The following DERA variants were observed in gnomAD, a reference collection of about 807,000 sequenced individuals.
DERA encodes deoxyribose-phosphate aldolase, also known as 2-deoxy-D-ribose 5-phosphate aldolase.
In DERA, 15 loss-of-function variants were observed where a neutral mutation model predicts 41.1. That is an observed-to-expected ratio of 0.37 (90% CI 0.24 to 0.56). The LOEUF is 0.56. Among genes scored for constraint, DERA ranks in the 20% least tolerant of loss-of-function variants. The probability of loss-of-function intolerance (pLI) is 0.81; values close to 1 mark genes in which losing one functional copy is unlikely to be tolerated. For missense variants in DERA, 396 were observed against 403.4 expected (o/e 0.98, Z 0.16); for synonymous variants, 139 against 137.4 (o/e 1.01, Z -0.08).
intron 6 of DERA, among the ~76,000 whole-genome samples, chr12:16,031,638 A>G (rs929924873): frequency 6.6e-6 from 1 of 152,196 alleles, no homozygotes; most frequent in Non-Finnish European, 1.5e-5. Flanking sequence ...TTGTTTGGGT[A>G]TCTGACTGTG....
rs555868172 is a variant in DERA, at chr12:15,988,186, G to A, written c.637+5750G>A. Among the ~76,000 whole-genome samples the A allele has an allele frequency of 7.9e-5, 12 of 152,312 alleles. No individual in the cohort carries two copies. Among genetic ancestry groups the A allele is most frequent in the South Asian group, 4.1e-4 (2 of 4,820 alleles). On this transcript the variant is annotated intron_variant, in intron 6 of 8. Transcript: ENST00000428559. This position sits in a 1 kb window ranked among gnomAD's most constrained non-coding sequence, Gnocchi z 6.0. The stretch of plus-strand genomic sequence containing the variant: ...TGAGTTCTGGGCTCCCAGAAGGGCC[G>A]CAGCTCCTTCTTCCTTCTCGTTACC...
rs537610589 is a variant in DERA, at chr12:15,976,650, C to T, written c.509-5658C>T. Among the ~76,000 whole-genome samples, 4 of 152,272 alleles carry T rather than the reference C, an allele frequency of 2.6e-5. No individual in the cohort carries two copies. Among genetic ancestry groups the T allele is most frequent in the African/African-American group, 7.2e-5 (3 of 41,554 alleles). On this transcript the variant is annotated intron_variant, in intron 5 of 8. Transcript: ENST00000428559. This position sits in a 1 kb window ranked among gnomAD's most constrained non-coding sequence, Gnocchi z 4.1. ...AGCTTAAACTTTTAGAGTAAGTCAA[C>T]GTTTACCATCATTTTACGTGTGCTT... is the stretch of plus-strand genomic sequence containing the variant.
chr12:15,993,592 C>T lies in DERA; in HGVS notation c.637+11156C>T, dbSNP rs1803760648. ...TTCATCACTGGGGAAAGCATAAGAC[C>T]ATAGTTTGTATTGGGTTAAGAGATA... On this transcript the variant is annotated intron_variant, in intron 6 of 8. Coordinates refer to ENST00000428559, the MANE Select transcript of DERA (RefSeq NM_015954.4). The surrounding 1 kb of genome is among the most constrained non-coding windows in gnomAD (Gnocchi z 4.4). 6.6e-6 allele frequency among the ~76,000 whole-genome samples: 1 copy of T among 151,544 alleles called. No individual in the cohort carries two copies.
In DERA at chr12:15,911,426, G is replaced by A. The variant is rs1262715275; in HGVS notation, c.31+12G>A. 1.4e-6 allele frequency: 2 copies of A among 1,408,286 alleles called. No homozygotes were observed. Among genetic ancestry groups the A allele is most frequent in the South Asian group, 1.6e-5 (1 of 64,358 alleles). The allele number at this position is 1,408,286 out of a possible 1,614,324, so 87.2% of individuals were successfully genotyped here. On this transcript the variant is annotated intron_variant, in intron 1 of 8. Coordinates refer to ENST00000428559, the MANE Select transcript of DERA (RefSeq NM_015954.4). The surrounding 1 kb of genome is among the most constrained non-coding windows in gnomAD (Gnocchi z 4.5). ...GGGCACCGAGCTCGGTAAGGGGCCC[G>A]CGGGGCTCCCCATCCCCTCTCCCTC...
rs1948933058 is a variant in DERA at position 16,009,382 on chromosome 12, T to C, written c.638-23160T>C. On this transcript the variant is annotated intron_variant, in intron 6 of 8. Coordinates refer to ENST00000428559, the MANE Select transcript of DERA (RefSeq NM_015954.4). The surrounding 1 kb of genome is among the most constrained non-coding windows in gnomAD (Gnocchi z 5.3). ...ACTGTTCATCCTATATACAATACTT[T>C]TTAGATCTTTATACTTTAAATTTTT... Among the ~76,000 whole-genome samples the C allele has an allele frequency of 6.6e-6, 1 of 152,204 alleles. No individual in the cohort carries two copies. The highest frequency in any genetic ancestry group is 6.5e-5 in the Admixed American group (1 of 15,278).
chr12:15,979,634 T>G (rs181832795), intron 5 of DERA, among the ~76,000 whole-genome samples: 2 of 152,330 alleles, frequency 1.3e-5, no homozygotes, highest in East Asian at 3.9e-4. Context: ...AAAAACTTGA[T>G]CCTGTTATGT....
Position 16,036,836 on chromosome 12 carries a change from G to A in DERA, c.*90G>A. 1.0e-6 allele frequency: 1 copy of A among 991,476 alleles called. No individual in the cohort carries two copies. Among genetic ancestry groups the A allele is most frequent in the Non-Finnish European group, 1.5e-6 (1 of 661,268 alleles). 61.4% of individuals were successfully genotyped at this position (991,476 alleles called of 1,614,324 possible). Reference sequence around the variant, plus strand: ...GCTAAAATTATTTAATTAAAAAATTGGGCAGTAGGTAACTGGCATTCCTCT... The same window carrying A: ...GCTAAAATTATTTAATTAAAAAATTAGGCAGTAGGTAACTGGCATTCCTCT... On this transcript the variant is annotated 3_prime_UTR_variant, in exon 9 of 9. Transcript: ENST00000428559. This position sits in a 1 kb window ranked among gnomAD's most constrained non-coding sequence, Gnocchi z 4.9.
intron 6 of DERA, among the ~76,000 whole-genome samples, chr12:15,991,633 A>T (rs1051399831): frequency 4.6e-5 from 7 of 152,172 alleles, no homozygotes; most frequent in African/African-American, 1.7e-4. Flanking sequence ...ATATAATCGA[A>T]TCTATCATAC....
chr12:16,022,056 T>C lies in DERA; in HGVS notation c.638-10486T>C, dbSNP rs576039480. On this transcript the variant is annotated intron_variant, in intron 6 of 8. Transcript: ENST00000428559. ...ATTTGAGAGACCAGACGCAGAATGA[T>C]ATAGTTTGGATGTTTGTCCCCTCCC... Among the ~76,000 whole-genome samples, 18 of 152,336 alleles carry C rather than the reference T, an allele frequency of 1.2e-4. 1 individual carries two copies. The East Asian group carries it at 3.3e-3, about 28-fold the overall frequency.
At chr12:15,937,908 C>T (rs1331461328) in intron 1 of DERA, among the ~76,000 whole-genome samples, 1 of 152,176 alleles carries the variant, frequency 6.6e-6, no homozygotes, top group Non-Finnish European at 1.5e-5. Context: ...ATTTGTAGAA[C>T]ATTTGCTATG....
intron 4 of DERA, among the ~76,000 whole-genome samples, chr12:15,960,849 C>G (rs111255700): frequency 6.6e-6 from 1 of 152,014 alleles, no homozygotes; most frequent in African/African-American, 2.4e-5. Context: ...GGCACTAGCA[C>G]GTGTGAAGGC....
In DERA at chr12:15,994,593, A is replaced by G. The variant is rs1948824535; in HGVS notation, c.637+12157A>G. ...CTCAGCCTCCTGAATAGCTGGGACT[A>G]CAGGCGCCTGCAACCACGCCTGGCT... On this transcript the variant is annotated intron_variant, in intron 6 of 8. Transcript: ENST00000428559. The surrounding 1 kb of genome is among the most constrained non-coding windows in gnomAD (Gnocchi z 4.8). 6.6e-6 allele frequency among the ~76,000 whole-genome samples: 1 copy of G among 152,158 alleles called. No homozygotes were observed. Among genetic ancestry groups the G allele is most frequent in the Non-Finnish European group, 1.5e-5 (1 of 68,018 alleles).
At chr12:15,997,572 G>A (rs1948847168) in intron 6 of DERA, among the ~76,000 whole-genome samples, 2 of 152,228 alleles carry the variant, frequency 1.3e-5, no homozygotes, top group South Asian at 4.1e-4. Flanking sequence ...TGACTTTAAC[G>A]GAATCGTATG....
In DERA at chr12:15,943,472, T is replaced by C. The variant is rs1036166110; in HGVS notation, c.32-13464T>C. 2.6e-5 allele frequency among the ~76,000 whole-genome samples: 4 copies of C among 152,134 alleles called. No homozygotes were observed. Among genetic ancestry groups the C allele is most frequent in the African/African-American group, 7.2e-5 (3 of 41,438 alleles). On this transcript the variant is annotated intron_variant, in intron 1 of 8. Coordinates refer to ENST00000428559, the MANE Select transcript of DERA (RefSeq NM_015954.4). This position sits in a 1 kb window ranked among gnomAD's most constrained non-coding sequence, Gnocchi z 4.5. ...CCTTGCTGAAAATTCTCTAAAAGACTTCCCATCTCACATGGGAAAACCTTT... is the reference window on the plus strand; with the variant it reads ...CCTTGCTGAAAATTCTCTAAAAGACCTCCCATCTCACATGGGAAAACCTTT...
At chr12:15,968,206 T>C (rs554597849) in intron 5 of DERA, among the ~76,000 whole-genome samples, 3 of 152,286 alleles carry the variant, frequency 2.0e-5, no homozygotes, top group African/African-American at 4.8e-5. Flanking sequence ...TGAATACATT[T>C]ATATATTGTA....
rs1394871581 is a variant in DERA at position 16,017,075 on chromosome 12, G to A, written c.638-15467G>A. ...CTAGTCAGTAACCAAGGATTATACAGTCAGAGTCCCCACTTTGTATTCCAC... is the reference window on the plus strand; with the variant it reads ...CTAGTCAGTAACCAAGGATTATACAATCAGAGTCCCCACTTTGTATTCCAC... On this transcript the variant is annotated intron_variant, in intron 6 of 8. Coordinates refer to ENST00000428559, the MANE Select transcript of DERA (RefSeq NM_015954.4). This position sits in a 1 kb window ranked among gnomAD's most constrained non-coding sequence, Gnocchi z 5.5. Among the ~76,000 whole-genome samples the A allele has an allele frequency of 6.6e-6, 1 of 152,146 alleles. No homozygotes were observed. Among genetic ancestry groups the A allele is most frequent in the Non-Finnish European group, 1.5e-5 (1 of 68,032 alleles).
rs777879122 is a variant in DERA, at chr12:16,008,116, G to A, written c.638-24426G>A. 6.6e-6 allele frequency among the ~76,000 whole-genome samples: 1 copy of A among 152,212 alleles called. No individual in the cohort carries two copies. Among genetic ancestry groups the A allele is most frequent in the Non-Finnish European group, 1.5e-5 (1 of 68,038 alleles). ...GATCTGCCTGCCTTGGCCTCCCAAA[G>A]TGCTGGGATTACAGGAGTGAGCCAC... On this transcript the variant is annotated intron_variant, in intron 6 of 8. Transcript: ENST00000428559. This position sits in a 1 kb window ranked among gnomAD's most constrained non-coding sequence, Gnocchi z 4.8.
rs546858128 is a variant in DERA at position 15,959,845 on chromosome 12, C to T, written c.294C>T (p.Ala98=). Residue 98 remains alanine (A), a synonymous_variant, in exon 4 of 9, where the codon GCC becomes GCT. Transcript: ENST00000428559. This position sits in a 1 kb window ranked among gnomAD's most constrained non-coding sequence, Gnocchi z 4.5. ...NMHDKGITTA[A]VCVYPARVCD... ...TCTTGATAGGCATTACTACAGCCGCCGTTTGTGTTTATCCCGCCCGGGTGT... is the reference window on the plus strand; with the variant it reads ...TCTTGATAGGCATTACTACAGCCGCTGTTTGTGTTTATCCCGCCCGGGTGT... 21 of 1,545,784 alleles carry T rather than the reference C, an allele frequency of 1.4e-5. No individual in the cohort carries two copies. The highest frequency in any genetic ancestry group is 7.3e-5 in the East Asian group (3 of 41,088).
intron 1 of DERA, among the ~76,000 whole-genome samples, chr12:15,937,867 G>C (rs1948380120): frequency 6.6e-6 from 1 of 152,152 alleles, no homozygotes; most frequent in South Asian, 2.1e-4. Flanking sequence ...TTTTCATTAA[G>C]TTATGTGTTT....
Sources: gnomAD v4.1 joint callset for allele counts (sites outside exome capture counted in the v4.1 genomes callset) on GRCh38, gnomAD v4.1.1 for gene constraint, Gnocchi (gnomAD v3.1) non-coding constraint, MANE v1.5 for transcripts, NCBI Gene and HGNC (gene_info 2026-07-23, HGNC 2026-07-21) for gene names.